FRMD4A: variants seen among roughly 807,000 people sequenced by gnomAD.
FRMD4A encodes FERM domain containing 4A, also known as FERM domain-containing protein 4A.
FRMD4A carries 29 observed loss-of-function variants against 129.1 expected under a neutral mutation model. The observed-to-expected ratio is 0.22, with a 90% CI of 0.17 to 0.31. The LOEUF is 0.31. Among genes scored for constraint, FRMD4A ranks in the 10% least tolerant of loss-of-function variants. FRMD4A has a pLI of 1.00. For synonymous variants in FRMD4A, 634 were observed against 571.6 expected, an observed-to-expected ratio of 1.11 and a Z score of -1.56; for missense variants, 1,272 against 1,375.8, an observed-to-expected ratio of 0.92 and a Z score of 1.19.
At chr10:13,958,518 T>C (rs1429014689) in intron 2 of FRMD4A, among the ~76,000 whole-genome samples, 3 of 151,798 alleles carry the variant, frequency 2.0e-5, no homozygotes, top group Non-Finnish European at 2.9e-5. Flanking sequence ...CTCTTGACCT[T>C]GTGATCCGCC....
At chr10:13,974,156 C>T (rs188134919) in intron 2 of FRMD4A, among the ~76,000 whole-genome samples, 2 of 151,286 alleles carry the variant, frequency 1.3e-5, no homozygotes, top group Admixed American at 1.3e-4. Context: ...TTTTATTCTA[C>T]GACGAAGTAA....
intron 2 of FRMD4A, among the ~76,000 whole-genome samples, chr10:14,091,680 A>G (rs1164384488): frequency 6.6e-6 from 1 of 152,112 alleles, no homozygotes; most frequent in Admixed American, 6.5e-5. Flanking sequence ...TGATCCGCCC[A>G]CCTTGGCCTC....
At chr10:14,249,350 T>TCAAAAAAAAAAAAAA (rs1564416620) in intron 2 of FRMD4A, among the ~76,000 whole-genome samples, 32 of 121,410 alleles carry the variant, frequency 2.6e-4, no homozygotes, top group African/African-American at 8.6e-4. Flanking sequence ...AGAATCTGTC[T>TCAAAAAAAAAAAAAA]TAAAAAAAAA....
chr10:13,650,471 C>A (rs1314023486), intron 24 of FRMD4A, among the ~76,000 whole-genome samples: 2 of 152,194 alleles, frequency 1.3e-5, no homozygotes, highest in African/African-American at 4.8e-5. Flanking sequence ...TGCCTACATT[C>A]CCACCGCAGC....
chr10:13,913,089 A>G (rs1554967325), intron 2 of FRMD4A, among the ~76,000 whole-genome samples: 2 of 150,896 alleles, frequency 1.3e-5, no homozygotes, highest in East Asian at 4.0e-4. Flanking sequence ...AAAAAAAAAA[A>G]GGATATTATT....
At chr10:13,971,572 G>T in intron 2 of FRMD4A, 1 of 754,362 alleles carries the variant, frequency 1.3e-6, no homozygotes, top group Non-Finnish European at 2.0e-6. Flanking sequence ...GAACACATGT[G>T]ACAATAGCTC....
chr10:14,185,830 A>G (rs546648132), intron 2 of FRMD4A, among the ~76,000 whole-genome samples: 17 of 152,238 alleles, frequency 1.1e-4, no homozygotes, highest in Admixed American at 9.8e-4. Context: ...GGCAGGGCCC[A>G]GTGGAGACAG....
At position 14,108,399 on chromosome 10, in the gene FRMD4A, C is replaced by T. The variant is rs1014558495; in HGVS notation, c.45+221659G>A. ...TGTCTGAAGGTTCTAGAAATCTCTT[C>T]TACTTTAGGACAGCACACTTGAGAA... On this transcript the variant is annotated intron_variant, in intron 2 of 24. Transcript: ENST00000357447. 7.9e-5 allele frequency among the ~76,000 whole-genome samples: 12 copies of T among 152,194 alleles called. 1 individual carries two copies. Among genetic ancestry groups the T allele is most frequent in the Admixed American group, 5.2e-4 (8 of 15,278 alleles).
chr10:14,163,057 A>G (rs955262436), intron 2 of FRMD4A, among the ~76,000 whole-genome samples: 1 of 152,202 alleles, frequency 6.6e-6, no homozygotes. Context: ...CCAAAGAATA[A>G]TAGAAAGTTT....
rs935323132 is a variant in FRMD4A, at chr10:13,964,874, T to C, written c.46-105962A>G. Among the ~76,000 whole-genome samples, 9 of 151,912 alleles carry C rather than the reference T, an allele frequency of 5.9e-5. No individual in the cohort carries two copies. In the South Asian group the frequency reaches 6.2e-4, roughly 11 times the overall value. On this transcript the variant is annotated intron_variant, in intron 2 of 24. Transcript: ENST00000357447. The stretch of plus-strand genomic sequence containing the variant: ...CTGATTTTTGTATTTTTAGTAGAGA[T>C]GGGGTTTCACCATGTTGGCCAGGAT...
At chr10:13,665,098 C>T (rs952686096) in intron 18 of FRMD4A, among the ~76,000 whole-genome samples, 3 of 152,014 alleles carry the variant, frequency 2.0e-5, no homozygotes, top group African/African-American at 7.3e-5. Context: ...TCTTGAACTC[C>T]CGACCTCAGG....
At chr10:14,218,649 T>C (rs1589183362) in intron 2 of FRMD4A, among the ~76,000 whole-genome samples, 1 of 151,300 alleles carries the variant, frequency 6.6e-6, no homozygotes, top group African/African-American at 2.4e-5. Flanking sequence ...AGGTCAGGAG[T>C]TCAAGACCAG....
chr10:13,830,047 GCT>G lies in FRMD4A; in HGVS notation c.112-19141_112-19140del, dbSNP rs139272377. Among the ~76,000 whole-genome samples, 166 of 151,186 alleles carry G rather than the reference GCT, an allele frequency of 1.1e-3. 1 individual carries two copies. The highest frequency in any genetic ancestry group is 3.7e-3 in the African/African-American group (153 of 41,302). ...ACTGTGTGCTTCCCCACATGCCCTA[GCT>G]CTCTCTCTCTCTCTTCCTTTCTCTT... On this transcript the variant is annotated intron_variant, in intron 3 of 24. Coordinates refer to ENST00000357447, the MANE Select transcript of FRMD4A (RefSeq NM_018027.5).
chr10:14,180,624 T>A (rs1002901195), intron 2 of FRMD4A, among the ~76,000 whole-genome samples: 1 of 152,226 alleles, frequency 6.6e-6, no homozygotes, highest in Non-Finnish European at 1.5e-5. Flanking sequence ...TGCCTATTAC[T>A]GTGTGGCACC....
At chr10:14,275,742 T>C (rs993267699) in intron 2 of FRMD4A, among the ~76,000 whole-genome samples, 1 of 152,134 alleles carries the variant, frequency 6.6e-6, no homozygotes, top group Non-Finnish European at 1.5e-5. Context: ...TCTTCAAAAA[T>C]ACAAAATGGT....
rs111976799 is a variant in FRMD4A at position 13,952,885 on chromosome 10, G to A, written c.46-93973C>T. ...TTTTTTTCGTATTTTTAGTAGAGAAGGGGTTTCGCCATGTTGTCCAGACTG... is the reference window on the plus strand; with the variant it reads ...TTTTTTTCGTATTTTTAGTAGAGAAAGGGTTTCGCCATGTTGTCCAGACTG... On this transcript the variant is annotated intron_variant, in intron 2 of 24. Transcript: ENST00000357447. 5.9e-3 allele frequency among the ~76,000 whole-genome samples: 886 copies of A among 151,446 alleles called. 8 individuals carry two copies. Among genetic ancestry groups the A allele is most frequent in the African/African-American group, 0.02 (844 of 41,358 alleles).
intron 2 of FRMD4A, among the ~76,000 whole-genome samples, chr10:14,278,674 C>T (rs890900050): frequency 3.9e-5 from 6 of 152,258 alleles, no homozygotes; most frequent in South Asian, 4.2e-4. Context: ...TCTCGCTTGC[C>T]TGAGCCCAGA....
chr10:13,871,895 C>T (rs901937742), intron 2 of FRMD4A, among the ~76,000 whole-genome samples: 13 of 152,238 alleles, frequency 8.5e-5, no homozygotes, highest in African/African-American at 1.4e-4. Context: ...CCGGGGCTTA[C>T]GGTGGGTCAG....
chr10:14,075,043 G>C lies in FRMD4A; in HGVS notation c.46-216131C>G, dbSNP rs117786200. Among the ~76,000 whole-genome samples the C allele has an allele frequency of 6.6e-3, 1,004 of 152,188 alleles. 22 individuals carry two copies. In the East Asian group the frequency reaches 0.07, roughly 11 times the overall value. ...AAAGATGTCCTTATGAATTAAAAAAGCAAGCAAACTATGGTAACTTGAACC... is the reference window on the plus strand; with the variant it reads ...AAAGATGTCCTTATGAATTAAAAAACCAAGCAAACTATGGTAACTTGAACC... On this transcript the variant is annotated intron_variant, in intron 2 of 24. Transcript: ENST00000357447.
Sources: allele counts gnomAD v4.1 joint callset (sites outside exome capture counted in the v4.1 genomes callset), GRCh38; gene constraint gnomAD v4.1.1; transcripts MANE v1.5; gene names NCBI Gene and HGNC (gene_info 2026-07-23, HGNC 2026-07-21).